Variants in ANK2 observed in about 807,000 individuals in gnomAD.
ANK2 encodes ankyrin 2, also known as ankyrin-2.
In ANK2, 83 loss-of-function variants were observed where a neutral mutation model predicts 360.5. The ratio of observed to expected loss-of-function variants is 0.23; its 90% CI spans 0.19 to 0.28. The LOEUF (loss-of-function observed/expected upper bound fraction) is 0.28, where lower values mean the gene tolerates loss of function less well. Among genes scored for constraint, ANK2 ranks in the 10% least tolerant of loss-of-function variants. The probability of loss-of-function intolerance (pLI) is 1.00; values close to 1 mark genes in which losing one functional copy is unlikely to be tolerated. For missense variants in ANK2, 4,201 were observed against 4,795.7 expected, an observed-to-expected ratio of 0.88 and a Z score of 3.66; for synonymous variants, 1,740 against 1,759.5, an observed-to-expected ratio of 0.99 and a Z score of 0.28.
chr4:112,760,902 G>A, the ANK2 span, among the ~76,000 whole-genome samples: 4 of 151,128 alleles, frequency 2.6e-5, no homozygotes, highest in East Asian at 7.8e-4. Flanking sequence ...CACCTCCCAG[G>A]TTCAAGCAAT....
At chr4:112,759,342 G>A in the ANK2 span, among the ~76,000 whole-genome samples, 60 of 152,062 alleles carry the variant, frequency 3.9e-4, no homozygotes, top group East Asian at 1.7e-3. Flanking sequence ...AGAAGGTGTC[G>A]CTTCATTGCT....
At chr4:113,099,948 T>C (rs1449766540) in intron 1 of ANK2, among the ~76,000 whole-genome samples, 1 of 152,064 alleles carries the variant, frequency 6.6e-6, no homozygotes, top group Non-Finnish European at 1.5e-5. Context: ...TAGTGGCAGA[T>C]ATTATACTTT....
At chr4:112,771,954 G>A in the ANK2 span, among the ~76,000 whole-genome samples, 3 of 152,142 alleles carry the variant, frequency 2.0e-5, no homozygotes, top group African/African-American at 4.8e-5. Context: ...TCAGAGATAA[G>A]GAAGCCCCTT....
intron 4 of ANK2, among the ~76,000 whole-genome samples, chr4:113,219,184 T>A (rs1187278298): frequency 6.6e-6 from 1 of 152,138 alleles, no homozygotes; most frequent in African/African-American, 2.4e-5. Context: ...TAATCTATGT[T>A]GTTAGACAAT....
chr4:113,287,730 GAC>G (rs1455154442), intron 19 of ANK2, 27 bp downstream of exon 19: 17 of 1,571,686 alleles, frequency 1.1e-5, no homozygotes, highest in Non-Finnish European at 1.5e-5. Context: ...TCAGTATTGT[GAC>G]AGGTTCTGGC....
At chr4:113,373,965 C>T (rs754925053) in intron 45 of ANK2, among the ~76,000 whole-genome samples, 6 of 152,234 alleles carry the variant, frequency 3.9e-5, no homozygotes, top group Non-Finnish European at 7.3e-5. Flanking sequence ...CACTCTGTCA[C>T]CCAGGCTGGA....
At chr4:113,289,742 A>G (rs535350945) in intron 20 of ANK2, among the ~76,000 whole-genome samples, 1 of 152,360 alleles carries the variant, frequency 6.6e-6, no homozygotes, top group Admixed American at 6.5e-5. Context: ...TACTATTAAC[A>G]TTTAAGATTT....
intron 1 of ANK2, among the ~76,000 whole-genome samples, chr4:112,824,171 C>CTATCTATG (rs1553928748): frequency 6.6e-6 from 1 of 151,910 alleles, no homozygotes; most frequent in African/African-American, 2.4e-5. Flanking sequence ...ATCTATCTAT[C>CTATCTATG]TATCTATCTA....
the ANK2 span, among the ~76,000 whole-genome samples, chr4:112,714,076 A>C: frequency 5.3e-5 from 8 of 152,120 alleles, no homozygotes; most frequent in African/African-American, 1.7e-4. Flanking sequence ...TTGTTGTTTT[A>C]GTCATTCTAA....
Position 113,355,750 on chromosome 4 carries a change from G to A in ANK2, c.7132G>A (p.Glu2378Lys), listed in dbSNP as rs141191319. The change falls in exon 38 of 46, where the codon GAG (glutamate) becomes AAG (lysine). Residue 2378 changes from glutamate to lysine, a missense_variant. By Grantham distance (56) the Glu-to-Lys change is moderately conservative. Coordinates refer to ENST00000357077, the MANE Select transcript of ANK2 (RefSeq NM_001148.6). ...EVQESTATSD[E>K]TKALPLPEAS... ...TCAAGAATCCACAGCCACCTCAGAC[G>A]AGACAAAGGCCTTGCCGCTGCCTGA... The A allele has an allele frequency of 2.9e-3, 4,733 of 1,614,086 alleles. 14 individuals are homozygous for A. Among genetic ancestry groups the A allele is most frequent in the Middle Eastern group, 8.4e-3 (51 of 6,060 alleles).
At chr4:112,817,457 C>T (rs1019940687), upstream of ANK2, among the ~76,000 whole-genome samples, 11 of 152,070 alleles carry the variant, frequency 7.2e-5, no homozygotes, top group African/African-American at 1.9e-4. Flanking sequence ...TCTGCCTATC[C>T]GTCCAGGTCT....
the ANK2 span, among the ~76,000 whole-genome samples, chr4:112,735,457 T>C: frequency 6.6e-6 from 1 of 152,214 alleles, no homozygotes; most frequent in Admixed American, 6.5e-5. Context: ...CCCCAATACA[T>C]TGCAGCCTCT....
rs116663781 is a variant in ANK2, at chr4:113,040,697, G to A, written c.22-133719G>A. Among the ~76,000 whole-genome samples, 1,006 of 152,054 alleles carry A rather than the reference G, an allele frequency of 6.6e-3. 11 individuals carry two copies. The highest frequency in any genetic ancestry group is 0.023 in the African/African-American group (965 of 41,480). On this transcript the variant is annotated intron_variant, in intron 2 of 30. Coordinates refer to the ANK2 transcript ENST00000503271. ...TATGGCTCCTTAATTTCAAATCATA[G>A]CAGGTAAGATATAATGCCACCTTTT...
At chr4:112,878,848 C>T (rs1024138725) in intron 1 of ANK2, among the ~76,000 whole-genome samples, 8 of 151,968 alleles carry the variant, frequency 5.3e-5, no homozygotes, top group Non-Finnish European at 1.2e-4. Flanking sequence ...TGGTCTCGAT[C>T]TCCTGACCTC....
At chr4:113,083,842 CTTAGT>C (rs1463803966) in intron 1 of ANK2, among the ~76,000 whole-genome samples, 1 of 152,052 alleles carries the variant, frequency 6.6e-6, no homozygotes, top group Non-Finnish European at 1.5e-5. Flanking sequence ...CTAATAGATA[CTTAGT>C]TTTCATACAA....
chr4:113,088,363 G>T (rs1412407579), intron 1 of ANK2, among the ~76,000 whole-genome samples: 1 of 152,118 alleles, frequency 6.6e-6, no homozygotes, highest in Non-Finnish European at 1.5e-5. Flanking sequence ...AGCTGGGGAG[G>T]TTTCAGCATT....
At chr4:113,277,782 TTTTGAGGAG>T (rs1318337802) in intron 15 of ANK2, 46 bp from the exon 16 acceptor site, 4 of 1,421,604 alleles carry the variant, frequency 2.8e-6, no homozygotes, top group Middle Eastern at 1.7e-4. Flanking sequence ...TAAAAAGATT[TTTTGAGGAG>T]TTACAACAAT....
intron 2 of ANK2, among the ~76,000 whole-genome samples, chr4:112,937,973 T>C (rs1561185857): frequency 1.3e-5 from 2 of 152,194 alleles, no homozygotes; most frequent in Admixed American, 6.5e-5. Context: ...TTGTTATGAG[T>C]ATGAATGAAT....
intron 1 of ANK2, among the ~76,000 whole-genome samples, chr4:112,834,079 T>C (rs2060465584): frequency 6.6e-6 from 1 of 152,248 alleles, no homozygotes; most frequent in Non-Finnish European, 1.5e-5. Flanking sequence ...CATACAAAGT[T>C]GCCTTATGCT....
Sources: allele counts gnomAD v4.1 joint callset (sites outside exome capture counted in the v4.1 genomes callset), GRCh38; gene constraint gnomAD v4.1.1; transcripts MANE v1.5; gene names NCBI Gene and HGNC (gene_info 2026-07-23, HGNC 2026-07-21).